CDH8: variants seen among roughly 807,000 people sequenced by gnomAD.
The protein encoded by CDH8 is cadherin 8.
A neutral mutation model predicts 68.1 loss-of-function variants in CDH8; 17 were observed. The observed-to-expected ratio is 0.25, with a 90% confidence interval of 0.17 to 0.37. The LOEUF (loss-of-function observed/expected upper bound fraction) is 0.37. Among genes scored for constraint, CDH8 ranks in the 10% least tolerant of loss-of-function variants. The pLI, the probability that CDH8 is intolerant of heterozygous loss-of-function variation, is 1.00. For missense variants in CDH8, 763 were observed against 999.3 expected, an observed-to-expected ratio of 0.76 and a Z score of 3.19; for synonymous variants, 372 against 365.1, an observed-to-expected ratio of 1.02 and a Z score of -0.21.
chr16:61,732,324 TA>T, intron 8 of CDH8, among the ~76,000 whole-genome samples: 1 of 151,826 alleles, frequency 6.6e-6, no homozygotes, highest in Middle Eastern at 3.4e-3. Flanking sequence ...TCTAAAATGC[TA>T]AAAGCCAAAA....
At chr16:61,803,740 A>G (rs1446676564) in intron 7 of CDH8, among the ~76,000 whole-genome samples, 1 of 146,434 alleles carries the variant, frequency 6.8e-6, no homozygotes, top group African/African-American at 2.6e-5. Flanking sequence ...CATAATGGTA[A>G]AGGGATCAAT....
At chr16:61,915,544 C>T (rs1052815348) in intron 2 of CDH8, among the ~76,000 whole-genome samples, 2 of 152,098 alleles carry the variant, frequency 1.3e-5, no homozygotes, top group South Asian at 2.1e-4. Context: ...GAACCAAGTA[C>T]GGGACAGAAA....
chr16:62,007,937 A>C (rs2150601709), intron 2 of CDH8, among the ~76,000 whole-genome samples: 1 of 151,590 alleles, frequency 6.6e-6, no homozygotes, highest in South Asian at 2.1e-4. Context: ...CCTTTTTTAA[A>C]ATTTATTTTT....
intron 2 of CDH8, among the ~76,000 whole-genome samples, chr16:61,921,919 T>C (rs990467489): frequency 1.3e-5 from 2 of 151,976 alleles, no homozygotes; most frequent in Non-Finnish European, 2.9e-5. Context: ...TAATCCCAGC[T>C]ACTCAGGAGG....
intron 2 of CDH8, chr16:61,937,772 C>A (rs1299025121): frequency 6.6e-6 from 1 of 152,132 alleles, no homozygotes; most frequent in East Asian, 1.9e-4. Flanking sequence ...AACTGCTTGC[C>A]TCCTTAAGGA....
At chr16:61,972,776 T>G in intron 2 of CDH8, among the ~76,000 whole-genome samples, 1 of 152,156 alleles carries the variant, frequency 6.6e-6, no homozygotes, top group East Asian at 1.9e-4. Context: ...TATTGTCTTT[T>G]GAGTTTGAAA....
intron 7 of CDH8, among the ~76,000 whole-genome samples, chr16:61,801,721 T>C (rs1396034307): frequency 6.6e-6 from 1 of 152,070 alleles, no homozygotes; most frequent in African/African-American, 2.4e-5. Flanking sequence ...ACCTGGAAAA[T>C]CGGGTCACTC....
At chr16:61,678,744 C>A (rs1963961319) in intron 10 of CDH8, among the ~76,000 whole-genome samples, 2 of 152,024 alleles carry the variant, frequency 1.3e-5, no homozygotes, top group Admixed American at 6.6e-5. Flanking sequence ...TAATGACCCT[C>A]TTTGAGTTCT....
intron 8 of CDH8, among the ~76,000 whole-genome samples, chr16:61,730,634 G>T (rs560613718): frequency 2.0e-5 from 3 of 151,446 alleles, no homozygotes; most frequent in South Asian, 2.1e-4. Context: ...TAACAATTAC[G>T]CAAGTGTACT....
chr16:61,748,672 A>T (rs2142941918), intron 8 of CDH8, among the ~76,000 whole-genome samples: 1 of 152,170 alleles, frequency 6.6e-6, no homozygotes, highest in Non-Finnish European at 1.5e-5. Flanking sequence ...CAAACAATAC[A>T]TACAGAGATG....
intron 2 of CDH8, among the ~76,000 whole-genome samples, chr16:61,945,437 TAAAAAAAAA>T (rs59806534): frequency 4.2e-5 from 5 of 120,436 alleles, no homozygotes; most frequent in East Asian, 2.5e-4. Context: ...GATGCATGAT[TAAAAAAAAA>T]AAAAAAAAAA....
chr16:61,702,165 G>A (rs1225522258), intron 10 of CDH8, among the ~76,000 whole-genome samples: 1 of 152,152 alleles, frequency 6.6e-6, no homozygotes, highest in African/African-American at 2.4e-5. Context: ...GAGGTCAGGA[G>A]ATCTAGACCA....
At chr16:61,771,821 G>A (rs983796273) in intron 8 of CDH8, among the ~76,000 whole-genome samples, 1 of 151,962 alleles carries the variant, frequency 6.6e-6, no homozygotes, top group South Asian at 2.1e-4. Flanking sequence ...GTCGAGGAAA[G>A]TTTTTCTTTC....
intron 10 of CDH8, among the ~76,000 whole-genome samples, chr16:61,670,183 T>C (rs1247686301): frequency 6.6e-6 from 1 of 152,090 alleles, no homozygotes. Flanking sequence ...TCCTTACAAA[T>C]GTAGAAAAGT....
Position 61,653,453 on chromosome 16 carries a change from C to T in CDH8, c.*155G>A. On this transcript the variant is annotated 3_prime_UTR_variant, in exon 12 of 12. Transcript: ENST00000577390. ...AACATATACTTTTTTATTTTATTAT[C>T]TTTTTTTGGTTCAACATTAAAATGT... 1 of 1,422,480 alleles carries T rather than the reference C, an allele frequency of 7.0e-7. No homozygotes were observed. Among genetic ancestry groups the T allele is most frequent in the Non-Finnish European group, 9.2e-7 (1 of 1,088,230 alleles). 88.1% of individuals were successfully genotyped at this position (1,422,480 alleles called of 1,614,324 possible). A position where few individuals can be genotyped will look rare whatever the true frequency, so the allele number is the denominator to read the frequency against.
intron 3 of CDH8, among the ~76,000 whole-genome samples, chr16:61,894,072 A>G (rs1308498620): frequency 1.3e-5 from 2 of 152,180 alleles, no homozygotes; most frequent in Admixed American, 1.3e-4. Context: ...GCAAAAAGAA[A>G]AAAAACTATG....
chr16:61,730,592 G>T (rs182574580), intron 8 of CDH8, among the ~76,000 whole-genome samples: 3,532 of 151,576 alleles, frequency 0.023, 69 homozygotes, highest in Non-Finnish European at 0.035. Context: ...GAATATCATG[G>T]TACACAAATT....
intron 4 of CDH8, among the ~76,000 whole-genome samples, chr16:61,841,192 T>C (rs940998127): frequency 6.6e-6 from 1 of 152,172 alleles, no homozygotes; most frequent in African/African-American, 2.4e-5. Flanking sequence ...ATTCCTTCGA[T>C]ATTCTTATTT....
At chr16:61,780,007 T>C (rs980620753) in intron 8 of CDH8, among the ~76,000 whole-genome samples, 1 of 152,248 alleles carries the variant, frequency 6.6e-6, no homozygotes, top group African/African-American at 2.4e-5. Context: ...TCCACTCTCA[T>C]CCTTGCCCTC....
Sources: gnomAD v4.1 joint callset for allele counts (sites outside exome capture counted in the v4.1 genomes callset) on GRCh38, gnomAD v4.1.1 for gene constraint, MANE v1.5 for transcripts, NCBI Gene and HGNC (gene_info 2026-07-23, HGNC 2026-07-21) for gene names.